Variants in FNDC3B observed in about 807,000 individuals in gnomAD.
The protein encoded by FNDC3B is fibronectin type III domain-containing protein 3B.
FNDC3B carries 12 observed loss-of-function variants against 151.5 expected under a neutral mutation model. The observed-to-expected ratio is 0.08, with a 90% CI of 0.05 to 0.13. FNDC3B has a LOEUF of 0.13. FNDC3B is among the 10% of genes least tolerant of loss of function. The pLI, the probability that FNDC3B is intolerant of heterozygous loss-of-function variation, is 1.00. For missense variants in FNDC3B, 1,214 were observed against 1,505.3 expected, an observed-to-expected ratio of 0.81 and a Z score of 3.20; for synonymous variants, 528 against 549.0, an observed-to-expected ratio of 0.96 and a Z score of 0.54.
chr3:172,078,942 G>T (rs1243820873), intron 1 of FNDC3B, among the ~76,000 whole-genome samples: 1 of 152,156 alleles, frequency 6.6e-6, no homozygotes, highest in African/African-American at 2.4e-5. Context: ...GTTGATACAG[G>T]TAATAAAGAA....
intron 6 of FNDC3B, among the ~76,000 whole-genome samples, chr3:172,277,673 A>C (rs1189269536): frequency 6.6e-6 from 1 of 152,192 alleles, no homozygotes; most frequent in African/African-American, 2.4e-5. Context: ...GCAATTTCAC[A>C]TAAAATTTTG....
At chr3:172,213,856 T>C (rs1256346195) in intron 3 of FNDC3B, among the ~76,000 whole-genome samples, 1 of 152,204 alleles carries the variant, frequency 6.6e-6, no homozygotes, top group East Asian at 1.9e-4. Flanking sequence ...GGTAGCCTGT[T>C]ACCCCAAATG....
chr3:172,055,752 G>C (rs1243950438), intron 1 of FNDC3B, among the ~76,000 whole-genome samples: 3 of 151,884 alleles, frequency 2.0e-5, no homozygotes, highest in African/African-American at 7.3e-5. Context: ...TAGCACTGAT[G>C]AAGGTGAGTG....
chr3:172,281,195 G>A (rs1269362185), intron 6 of FNDC3B, among the ~76,000 whole-genome samples: 1 of 147,350 alleles, frequency 6.8e-6, no homozygotes, highest in Non-Finnish European at 1.5e-5. Flanking sequence ...CTATACAAGA[G>A]TGCCTTATTA....
At chr3:172,141,449 G>A (rs563093994) in intron 3 of FNDC3B, among the ~76,000 whole-genome samples, 13 of 152,286 alleles carry the variant, frequency 8.5e-5, no homozygotes, top group African/African-American at 1.7e-4. Context: ...CTTGCACCAC[G>A]CCTGAGCAGC....
chr3:172,116,228 A>G (rs765233775), intron 2 of FNDC3B, among the ~76,000 whole-genome samples: 1 of 152,250 alleles, frequency 6.6e-6, no homozygotes, highest in Non-Finnish European at 1.5e-5. Context: ...TGTGAACAGA[A>G]GCAGCTTACA....
At chr3:172,209,365 C>G (rs761060705) in intron 3 of FNDC3B, among the ~76,000 whole-genome samples, 5 of 152,064 alleles carry the variant, frequency 3.3e-5, no homozygotes, top group Non-Finnish European at 5.9e-5. Context: ...TGGTGGGTCT[C>G]GAGTTTTTCT....
intron 4 of FNDC3B, among the ~76,000 whole-genome samples, chr3:172,236,089 A>G (rs1380184340): frequency 6.6e-6 from 1 of 152,236 alleles, no homozygotes; most frequent in Admixed American, 6.5e-5. Context: ...CCCCTAAAAT[A>G]GCATTTCTGT....
In FNDC3B at chr3:172,401,143, G is replaced by A. The variant is rs138096295; in HGVS notation, c.*3668G>A. The A allele has an allele frequency of 0.036, 5,479 of 152,210 alleles. 148 individuals are homozygous for A. The highest frequency in any genetic ancestry group is 0.057 in the Middle Eastern group (17 of 298). 9.4% of individuals were successfully genotyped at this position (152,210 alleles called of 1,614,324 possible). The stretch of plus-strand genomic sequence containing the variant: ...TCACCATGTTGGCCAAGATGGTCTC[G>A]ATCTGACCTCGTGATCTGCCCGCCT... On this transcript the variant is annotated 3_prime_UTR_variant, in exon 26 of 26. Coordinates refer to ENST00000415807, the MANE Select transcript of FNDC3B (RefSeq NM_022763.4).
At position 172,401,251 on chromosome 3, in the gene FNDC3B, CA is replaced by C. The variant is rs1228326346; in HGVS notation, c.*3777del. On this transcript the variant is annotated 3_prime_UTR_variant, in exon 26 of 26. Transcript: ENST00000415807. ...CCCTTTTAAATACTTAAAGCACATT[CA>C]GATTAGTTGAAAATTCACGTGTTTT... The C allele has an allele frequency of 1.3e-5, 2 of 152,170 alleles. No homozygotes were observed. The highest frequency in any genetic ancestry group is 4.8e-5 in the African/African-American group (2 of 41,422). 9.4% of individuals were successfully genotyped at this position (152,170 alleles called of 1,614,324 possible). A position where few individuals can be genotyped will look rare whatever the true frequency, so the allele number is the denominator to read the frequency against.
intron 11 of FNDC3B, among the ~76,000 whole-genome samples, chr3:172,319,170 C>T (rs936209694): frequency 1.3e-5 from 2 of 152,192 alleles, no homozygotes; most frequent in South Asian, 2.1e-4. Context: ...TTTATCAACT[C>T]GCCTTTGTCA....
Position 172,226,909 on chromosome 3 carries a change from A to C in FNDC3B, c.226A>C (p.Ile76Leu). The C allele has an allele frequency of 6.2e-7, 1 of 1,613,280 alleles. No homozygotes were observed. The highest frequency in any genetic ancestry group is 8.5e-7 in the Non-Finnish European group (1 of 1,179,214). Reference sequence around the variant, plus strand: ...TCCCATGATGTCACCCAATGGATCCATTCCTCCCATTCATGTGCCTCCAGG... The same window carrying C: ...TCCCATGATGTCACCCAATGGATCCCTTCCTCCCATTCATGTGCCTCCAGG... ...EVPMMSPNGS[I>L]PPIHVPPGYI... is the part of the protein sequence containing the mutation. The change falls in exon 4 of 26, where the codon ATT becomes CTT. Residue 76 changes from isoleucine (I) to leucine (L), a missense_variant. This residue lies in a region of FNDC3B where 113 missense variants were observed against 177.8 expected (regional missense o/e 0.64). Transcript: ENST00000415807.
intron 6 of FNDC3B, among the ~76,000 whole-genome samples, chr3:172,279,407 G>A (rs1729591037): frequency 6.6e-6 from 1 of 152,168 alleles, no homozygotes; most frequent in African/African-American, 2.4e-5. Flanking sequence ...TCCAGAACCT[G>A]TTTGGAACCT....
In FNDC3B at chr3:172,356,055, T is replaced by C. The variant is rs78994308; in HGVS notation, c.2795+2972T>C. On this transcript the variant is annotated intron_variant, in intron 22 of 25. Transcript: ENST00000415807. ...TAGATTTGTTTGTTTTGCTCATTTGTACTCCTTTTGCTAAGTAAAAAAGGC... is the reference window on the plus strand; with the variant it reads ...TAGATTTGTTTGTTTTGCTCATTTGCACTCCTTTTGCTAAGTAAAAAAGGC... Among the ~76,000 whole-genome samples, 184 of 152,356 alleles carry C rather than the reference T, an allele frequency of 1.2e-3. 8 individuals are homozygous for C. The East Asian group carries it at 0.034, about 28-fold the overall frequency.
At chr3:172,107,207 AG>A (rs2108531375) in intron 1 of FNDC3B, among the ~76,000 whole-genome samples, 1 of 152,254 alleles carries the variant, frequency 6.6e-6, no homozygotes, top group African/African-American at 2.4e-5. Flanking sequence ...ATGTGTGGTT[AG>A]GGGGAGAGGT....
At chr3:172,229,912 A>C (rs911244815) in intron 4 of FNDC3B, among the ~76,000 whole-genome samples, 1 of 152,244 alleles carries the variant, frequency 6.6e-6, no homozygotes, top group Non-Finnish European at 1.5e-5. Context: ...ACTGGAGAAA[A>C]GAATAATCTT....
chr3:172,249,757 C>T (rs1027131682), intron 5 of FNDC3B, among the ~76,000 whole-genome samples: 3 of 152,218 alleles, frequency 2.0e-5, no homozygotes, highest in Non-Finnish European at 2.9e-5. Context: ...TGTTTTGACA[C>T]GTTCTCTAGT....
intron 3 of FNDC3B, chr3:172,184,179 C>CAATTA (rs1188363780): frequency 6.6e-6 from 1 of 152,228 alleles, no homozygotes; most frequent in East Asian, 1.9e-4. Flanking sequence ...CCATTCCCCT[C>CAATTA]AAAGCCCTTT....
chr3:172,153,585 G>A (rs536486460), intron 3 of FNDC3B, among the ~76,000 whole-genome samples: 16 of 152,308 alleles, frequency 1.1e-4, no homozygotes, highest in South Asian at 1.0e-3. Flanking sequence ...AATTCAGAGG[G>A]GAAAGCGCCT....
Sources: gnomAD v4.1 joint callset for allele counts (sites outside exome capture counted in the v4.1 genomes callset) on GRCh38, gnomAD v4.1.1 for gene constraint, gnomAD v4.1.1 regional missense constraint, MANE v1.5 for transcripts, NCBI Gene and HGNC (gene_info 2026-07-23, HGNC 2026-07-21) for gene names.